The following MTUS2 variants were observed in gnomAD, a reference collection of about 807,000 sequenced individuals.
MTUS2 encodes the protein microtubule-associated tumor suppressor candidate 2.
Under a neutral mutation model 114.1 loss-of-function variants are expected in MTUS2, and 40 were observed. That is an observed-to-expected ratio of 0.35 (90% CI 0.27 to 0.46). The LOEUF (loss-of-function observed/expected upper bound fraction) is 0.46. Ranked by LOEUF, MTUS2 falls within the 20% of genes least tolerant of loss-of-function variation. The pLI, the probability that MTUS2 is intolerant of heterozygous loss-of-function variation, is 1.00. For missense variants in MTUS2, 1,679 were observed against 1,705.4 expected, an observed-to-expected ratio of 0.98 and a Z score of 0.27; for synonymous variants, 688 against 672.0, an observed-to-expected ratio of 1.02 and a Z score of -0.37.
chr13:28,846,984 C>A (rs987064599), intron 2 of MTUS2, among the ~76,000 whole-genome samples: 1 of 152,166 alleles, frequency 6.6e-6, no homozygotes, highest in Non-Finnish European at 1.5e-5. Flanking sequence ...AATGGGGATC[C>A]ATAAATACTT....
intron 11 of MTUS2, among the ~76,000 whole-genome samples, chr13:29,490,687 C>T (rs1339141351): frequency 2.6e-5 from 4 of 152,260 alleles, no homozygotes; most frequent in Admixed American, 6.5e-5. Flanking sequence ...ATCCCAGGGA[C>T]GTATAGTTCT....
At chr13:29,388,298 C>T (rs1002231542) in intron 8 of MTUS2, among the ~76,000 whole-genome samples, 1 of 151,974 alleles carries the variant, frequency 6.6e-6, no homozygotes, top group African/African-American at 2.4e-5. Flanking sequence ...GGGAGGTTGG[C>T]TTTGTTGTCT....
At chr13:29,157,923 T>G (rs942832391) in intron 5 of MTUS2, among the ~76,000 whole-genome samples, 1 of 151,978 alleles carries the variant, frequency 6.6e-6, no homozygotes, top group Non-Finnish European at 1.5e-5. Flanking sequence ...ATGCAAAAAG[T>G]TGGTTAAGTG....
intron 8 of MTUS2, among the ~76,000 whole-genome samples, chr13:29,419,511 A>G (rs528001965): frequency 2.6e-5 from 4 of 152,336 alleles, no homozygotes; most frequent in East Asian, 3.9e-4. Context: ...TTCCACTGGC[A>G]GAGAACACTC....
chr13:29,244,119 C>T (rs1896824547), intron 5 of MTUS2, among the ~76,000 whole-genome samples: 1 of 152,124 alleles, frequency 6.6e-6, no homozygotes, highest in African/African-American at 2.4e-5. Context: ...GGAGTTGGAG[C>T]TCCATGGCTT....
intron 2 of MTUS2, among the ~76,000 whole-genome samples, chr13:28,989,798 G>A (rs1884744450): frequency 6.6e-6 from 1 of 152,284 alleles, no homozygotes; most frequent in African/African-American, 2.4e-5. Flanking sequence ...ATGTATGCCA[G>A]GGTGTCTCAT....
At chr13:29,154,648 G>T (rs1892786584) in intron 5 of MTUS2, among the ~76,000 whole-genome samples, 1 of 152,156 alleles carries the variant, frequency 6.6e-6, no homozygotes, top group Non-Finnish European at 1.5e-5. Context: ...ATCAATGCAG[G>T]AAAAGAACTC....
At chr13:28,994,486 CACATGGTTGA>C (rs1444655639) in intron 2 of MTUS2, among the ~76,000 whole-genome samples, 1 of 152,202 alleles carries the variant, frequency 6.6e-6, no homozygotes, top group Non-Finnish European at 1.5e-5. Context: ...CACCGACTTC[CACATGGTTGA>C]ACTAGTTTAC....
At chr13:29,015,479 T>A (rs1886026553) in intron 2 of MTUS2, among the ~76,000 whole-genome samples, 1 of 152,184 alleles carries the variant, frequency 6.6e-6, no homozygotes, top group African/African-American at 2.4e-5. Context: ...CAGGCGCTGC[T>A]AGGCACTGGA....
At chr13:29,148,682 T>G (rs1359596936) in intron 5 of MTUS2, among the ~76,000 whole-genome samples, 4 of 76,586 alleles carry the variant, frequency 5.2e-5, no homozygotes, top group East Asian at 8.4e-4. Flanking sequence ...GTTTCACCGT[T>G]TTAGCCGGGA....
At chr13:29,341,016 C>G (rs538802379) in intron 7 of MTUS2, among the ~76,000 whole-genome samples, 1 of 152,030 alleles carries the variant, frequency 6.6e-6, no homozygotes, top group Non-Finnish European at 1.5e-5. Context: ...TTTCATAGTA[C>G]GTTTGTACCA....
intron 4 of MTUS2, among the ~76,000 whole-genome samples, chr13:29,094,901 T>G (rs1165753384): frequency 6.6e-6 from 1 of 152,074 alleles, no homozygotes; most frequent in Non-Finnish European, 1.5e-5. Flanking sequence ...TCTTAGTATT[T>G]TCTAATTCCC....
chr13:28,834,141 A>G (rs1244561040), intron 1 of MTUS2, among the ~76,000 whole-genome samples: 2 of 152,178 alleles, frequency 1.3e-5, no homozygotes, highest in African/African-American at 4.8e-5. Flanking sequence ...TCAAAAACAC[A>G]GAGGTCTTTT....
chr13:29,260,038 G>A (rs567408560), intron 5 of MTUS2, among the ~76,000 whole-genome samples: 1 of 152,330 alleles, frequency 6.6e-6, no homozygotes, highest in South Asian at 2.1e-4. Context: ...CCAACAGCCG[G>A]AGCAAAGAAA....
At chr13:29,199,176 T>C (rs1406115320) in intron 5 of MTUS2, among the ~76,000 whole-genome samples, 1 of 152,210 alleles carries the variant, frequency 6.6e-6, no homozygotes, top group African/African-American at 2.4e-5. Flanking sequence ...GACATCATGC[T>C]ACCTGACTTG....
intron 8 of MTUS2, among the ~76,000 whole-genome samples, chr13:29,397,080 G>A (rs75275259): frequency 0.011 from 1,696 of 152,240 alleles, 22 homozygotes; most frequent in Non-Finnish European, 0.016. Context: ...AGGGCTGTTT[G>A]GACCATATCA....
At chr13:28,867,344 T>G (rs1236539440) in intron 2 of MTUS2, among the ~76,000 whole-genome samples, 1 of 152,184 alleles carries the variant, frequency 6.6e-6, no homozygotes, top group Non-Finnish European at 1.5e-5. Context: ...GATTTTTAAA[T>G]GTAAGAAAAA....
chr13:29,379,527 G>A (rs7995456), intron 8 of MTUS2, among the ~76,000 whole-genome samples: 23,738 of 152,160 alleles, frequency 0.16, 2,652 homozygotes, highest in African/African-American at 0.32. Context: ...CACTGTGGCC[G>A]TGGTGTAAAA....
rs1876512384 is a variant in MTUS2, at chr13:28,854,757, G to C, written c.-243+14907G>C. 2.0e-5 allele frequency among the ~76,000 whole-genome samples: 3 copies of C among 152,270 alleles called. No homozygotes were observed. In the South Asian group the frequency reaches 6.2e-4, roughly 32 times the overall value. ...CAGCTATATTCCGCTTTTCAGTCTAGCCAGTAGAATCTGATCACTGGGTAA... is the reference window on the plus strand; with the variant it reads ...CAGCTATATTCCGCTTTTCAGTCTACCCAGTAGAATCTGATCACTGGGTAA... On this transcript the variant is annotated intron_variant, in intron 2 of 15. Coordinates refer to ENST00000612955, the MANE Select transcript of MTUS2 (RefSeq NM_001033602.4).
Sources: gnomAD v4.1 joint callset for allele counts (sites outside exome capture counted in the v4.1 genomes callset) on GRCh38, gnomAD v4.1.1 for gene constraint, MANE v1.5 for transcripts, NCBI Gene and HGNC (gene_info 2026-07-23, HGNC 2026-07-21) for gene names.